The following MPRIP variants were observed in gnomAD, a reference collection of about 807,000 sequenced individuals.
MPRIP encodes the protein myosin phosphatase Rho interacting protein.
MPRIP carries 59 observed loss-of-function variants against 234.9 expected under a neutral mutation model. The ratio of observed to expected loss-of-function variants is 0.25; its 90% CI spans 0.20 to 0.31. MPRIP has a LOEUF of 0.31. MPRIP is among the 10% of genes least tolerant of loss of function. MPRIP has a pLI of 1.00. For missense variants in MPRIP, 2,436 were observed against 3,071.0 expected (o/e 0.79, Z 4.89); for synonymous variants, 1,144 against 1,263.9 (o/e 0.91, Z 2.01).
chr17:17,050,930 A>G (rs2088520483), intron 1 of MPRIP, among the ~76,000 whole-genome samples: 1 of 152,152 alleles, frequency 6.6e-6, no homozygotes, highest in Non-Finnish European at 1.5e-5. Flanking sequence ...CCTGGGTTCT[A>G]GCCTGTTACC....
chr17:17,102,932 C>T (rs1345636704), intron 3 of MPRIP, among the ~76,000 whole-genome samples: 2 of 152,224 alleles, frequency 1.3e-5, no homozygotes, highest in South Asian at 2.1e-4. Flanking sequence ...CTGTTTGTCC[C>T]GTTTGTAACC....
chr17:17,078,365 G>A lies in MPRIP; in HGVS notation c.267+289G>A, dbSNP rs944251659. 1.3e-5 allele frequency among the ~76,000 whole-genome samples: 2 copies of A among 152,224 alleles called. No individual in the cohort carries two copies. Among genetic ancestry groups the A allele is most frequent in the African/African-American group, 4.8e-5 (2 of 41,460 alleles). On this transcript the variant is annotated intron_variant, in intron 3 of 23. Transcript: ENST00000651222. This position sits in a 1 kb window ranked among gnomAD's most constrained non-coding sequence, Gnocchi z 4.3. ...TGTGGACTTCACTGGAGCACTCCTG[G>A]TTAGGGGAAAGCAAGGGCAAAGTCC...
rs921399127 is a variant in MPRIP, at chr17:17,154,434, C to T, written c.1829+19C>T. 1.9e-6 allele frequency: 3 copies of T among 1,609,076 alleles called. No individual in the cohort carries two copies. Among genetic ancestry groups the T allele is most frequent in the Non-Finnish European group, 2.6e-6 (3 of 1,175,502 alleles). ...TGACCAGGTAGGATGGTGAAGACAC[C>T]AGGGAGCCCTTTGTGCCTCTTGTGG... On this transcript the variant is annotated intron_variant, in intron 13 of 23. Transcript: ENST00000651222.
At chr17:17,065,240 G>A (rs1217588404) in intron 1 of MPRIP, among the ~76,000 whole-genome samples, 3 of 152,058 alleles carry the variant, frequency 2.0e-5, no homozygotes, top group South Asian at 2.1e-4. Context: ...ATCCTACTTC[G>A]TGGCTTATCT....
At chr17:17,172,909 C>T (rs1031461218) in intron 18 of MPRIP, 94 bp downstream of exon 18, 4 of 1,180,828 alleles carry the variant, frequency 3.4e-6, no homozygotes, top group African/African-American at 1.5e-5. Context: ...TTTGCAGAGG[C>T]CTCCAGAAGT....
At position 17,126,689 on chromosome 17, in the gene MPRIP, C is replaced by T. The variant is rs1877631; in HGVS notation, c.268-13C>T. The T allele has an allele frequency of 0.13, 202,925 of 1,604,290 alleles. 14,421 individuals are homozygous for T. The highest frequency in any genetic ancestry group is 0.22 in the Admixed American group (13,130 of 59,480). On this transcript the variant is annotated splice_polypyrimidine_tract_variant and intron_variant, in intron 3 of 23. Transcript: ENST00000651222. ...GGCTGGCCTCTGGGTGACTCTCTGC[C>T]GCCTTCTTCCAGCCCACGACCCTTC...
chr17:17,145,511 G>T (rs938126995), intron 9 of MPRIP, among the ~76,000 whole-genome samples: 4 of 152,194 alleles, frequency 2.6e-5, no homozygotes, highest in Admixed American at 6.5e-5. Flanking sequence ...TCTTGTGGGG[G>T]AATACAGGTC....
chr17:17,186,457 C>T lies in MPRIP; in HGVS notation c.*1563C>T, dbSNP rs923615392. 4.6e-5 allele frequency: 7 copies of T among 152,190 alleles called. No homozygotes were observed. Among genetic ancestry groups the T allele is most frequent in the Admixed American group, 1.3e-4 (2 of 15,282 alleles). 9.4% of individuals were successfully genotyped at this position (152,190 alleles called of 1,614,324 possible). On this transcript the variant is annotated 3_prime_UTR_variant, in exon 24 of 24. Coordinates refer to ENST00000651222, the MANE Select transcript of MPRIP (RefSeq NM_001364716.4). ...ATAACTAAGTGCTCTCCACTGGCAT[C>T]GAGCCCTTTCCACAAGTTTTTAAGG...
rs1021804366 is a variant in MPRIP at position 17,192,451 on chromosome 17, C to A, written c.*7557C>A. The stretch of plus-strand genomic sequence containing the variant: ...TTGGGGGGGGGGGGGGGAGGGGCGT[C>A]TTGAGGCTTTTTTTTTTTTTACAAA... On this transcript the variant is annotated 3_prime_UTR_variant, in exon 24 of 24. Coordinates refer to ENST00000651222, the MANE Select transcript of MPRIP (RefSeq NM_001364716.4). 2.2e-5 allele frequency: 1 copy of A among 45,938 alleles called. No homozygotes were observed. The highest frequency in any genetic ancestry group is 4.5e-5 in the Non-Finnish European group (1 of 22,382). 2.8% of individuals were successfully genotyped at this position (45,938 alleles called of 1,614,324 possible). A position where few individuals can be genotyped will look rare whatever the true frequency, so the allele number is the denominator to read the frequency against.
At chr17:17,179,239 G>C (rs1347696905) in intron 22 of MPRIP, among the ~76,000 whole-genome samples, 1 of 151,904 alleles carries the variant, frequency 6.6e-6, no homozygotes, top group Non-Finnish European at 1.5e-5. Context: ...ACGAGGTCAG[G>C]AGTTCGAGAC....
At chr17:17,154,540 T>A in intron 13 of MPRIP, 125 bp downstream of exon 13, 1 of 713,970 alleles carries the variant, frequency 1.4e-6, no homozygotes, top group Non-Finnish European at 2.5e-6. Context: ...CTGCTGCTCC[T>A]TCCTTCCTGT....
intron 1 of MPRIP, among the ~76,000 whole-genome samples, chr17:17,071,505 C>T (rs540193296): frequency 6.6e-6 from 1 of 152,276 alleles, no homozygotes; most frequent in South Asian, 2.1e-4. Context: ...TTGTCTTATA[C>T]ATGATGGCCC....
chr17:17,122,276 G>A (rs539328023), intron 3 of MPRIP, among the ~76,000 whole-genome samples: 19 of 152,284 alleles, frequency 1.2e-4, no homozygotes, highest in Admixed American at 1.2e-3. Context: ...CACCAACAGT[G>A]TATAAGTGTT....
intron 3 of MPRIP, among the ~76,000 whole-genome samples, chr17:17,093,950 A>T (rs2089779624): frequency 6.6e-6 from 1 of 152,174 alleles, no homozygotes; most frequent in Non-Finnish European, 1.5e-5. Context: ...TGTTACTCAC[A>T]GAGCTGGCCG....
intron 20 of MPRIP, among the ~76,000 whole-genome samples, chr17:17,175,710 C>T (rs1449021265): frequency 6.6e-6 from 1 of 152,256 alleles, no homozygotes; most frequent in Non-Finnish European, 1.5e-5. Flanking sequence ...CTCAAAAGGA[C>T]ACGTTCTGTA....
intron 3 of MPRIP, among the ~76,000 whole-genome samples, chr17:17,079,368 G>A (rs146466014): frequency 5.4e-4 from 82 of 152,326 alleles, no homozygotes; most frequent in African/African-American, 1.9e-3. Flanking sequence ...GTAGTGTACT[G>A]GAGGTGAGCA....
chr17:17,167,336 G>A lies in MPRIP; in HGVS notation c.5745G>A (p.Glu1915=), dbSNP rs183983079. ...VIAIVERENA[E]LKAKAAQLDH... is the part of the protein sequence containing the mutation. The stretch of plus-strand genomic sequence containing the variant: ...CCATTGTTGAAAGGGAGAATGCAGA[G>A]CTCAAGGCCAAGGCCGCCCAGCTAG... Residue 1915 remains glutamate (E), a synonymous_variant, in exon 16 of 24, where the codon GAG becomes GAA. Transcript: ENST00000651222. The surrounding 1 kb of genome is among the most constrained non-coding windows in gnomAD (Gnocchi z 5.9). 5.9e-4 allele frequency: 764 copies of A among 1,304,160 alleles called. 1 individual carries two copies. In the African/African-American group the frequency reaches 0.011, roughly 18 times the overall value. The allele number at this position is 1,304,160 out of a possible 1,614,324, so 80.8% of individuals were successfully genotyped here.
At chr17:17,044,601 TGA>T (rs962532837) in intron 1 of MPRIP, among the ~76,000 whole-genome samples, 9 of 152,222 alleles carry the variant, frequency 5.9e-5, no homozygotes, top group Non-Finnish European at 1.3e-4. Context: ...AGGGTTGTTC[TGA>T]GAGAGGTTTG....
chr17:17,045,826 G>A (rs4468683), intron 1 of MPRIP, among the ~76,000 whole-genome samples: 77,017 of 143,808 alleles, frequency 0.54, 23,752 homozygotes, highest in East Asian at 0.72. Flanking sequence ...TTTTTTTTGA[G>A]GCGGAGTCTC....
Sources: allele counts gnomAD v4.1 joint callset (sites outside exome capture counted in the v4.1 genomes callset), GRCh38; gene constraint gnomAD v4.1.1; non-coding constraint Gnocchi (gnomAD v3.1); transcripts MANE v1.5; gene names NCBI Gene and HGNC (gene_info 2026-07-23, HGNC 2026-07-21).